Variants in CD86 observed in about 807,000 individuals in gnomAD.
CD86 encodes T-lymphocyte activation antigen CD86.
In CD86, 11 loss-of-function variants were observed where a neutral mutation model predicts 32.1. The observed-to-expected ratio is 0.34, with a 90% CI of 0.22 to 0.57. CD86 has a LOEUF of 0.57. CD86 is among the 20% of genes least tolerant of loss of function. The pLI, the probability that CD86 is intolerant of heterozygous loss-of-function variation, is 0.86. For synonymous variants in CD86, 137 were observed against 135.3 expected, an observed-to-expected ratio of 1.01 and a Z score of -0.09; for missense variants, 359 against 398.4, an observed-to-expected ratio of 0.90 and a Z score of 0.84.
intron 1 of CD86, among the ~76,000 whole-genome samples, chr3:122,084,679 G>T (rs193157700): frequency 7.2e-5 from 11 of 152,106 alleles, no homozygotes; most frequent in Non-Finnish European, 4.4e-5. Flanking sequence ...GACATCTTAC[G>T]TGGTGGCTCA....
chr3:122,094,697 A>C (rs1224081360), intron 2 of CD86, among the ~76,000 whole-genome samples: 1 of 143,700 alleles, frequency 7.0e-6, no homozygotes, highest in Non-Finnish European at 1.5e-5. Context: ...TAGAAATAGC[A>C]ATACAGTGAA....
At chr3:122,089,943 T>C (rs1442904995) in intron 1 of CD86, among the ~76,000 whole-genome samples, 20 of 152,204 alleles carry the variant, frequency 1.3e-4, no homozygotes, top group Admixed American at 1.3e-3. Flanking sequence ...ATGCTACCAT[T>C]TGTGCTTAAA....
chr3:122,108,285 G>A (rs1225562009), intron 4 of CD86, among the ~76,000 whole-genome samples: 1 of 152,212 alleles, frequency 6.6e-6, no homozygotes, highest in African/African-American at 2.4e-5. Context: ...GAGTCAAGGG[G>A]CCTTTTTTGC....
chr3:122,065,366 G>T (rs1237124238), intron 1 of CD86, among the ~76,000 whole-genome samples: 1 of 152,176 alleles, frequency 6.6e-6, no homozygotes, highest in Non-Finnish European at 1.5e-5. Flanking sequence ...GACTAAAAAT[G>T]GTCCATAGAC....
Position 122,120,474 on chromosome 3 carries a change from G to A in CD86, c.*940G>A, listed in dbSNP as rs1006892343. 1.3e-5 allele frequency: 2 copies of A among 152,214 alleles called. No homozygotes were observed. Among genetic ancestry groups the A allele is most frequent in the African/African-American group, 4.8e-5 (2 of 41,444 alleles). The allele number at this position is 152,214 out of a possible 1,614,324, so 9.4% of individuals were successfully genotyped here. A position where few individuals can be genotyped will look rare whatever the true frequency, so the allele number is the denominator to read the frequency against. ...TCTGGTCTGTCCACCCCATCAACAA[G>A]TCTTGAAACAAGCAACAGATGGATA... On this transcript the variant is annotated 3_prime_UTR_variant, in exon 7 of 7. Transcript: ENST00000330540.
rs2073326603 is a variant in CD86, at chr3:122,120,433, A to G, written c.*899A>G. The G allele has an allele frequency of 6.6e-6, 1 of 152,368 alleles. No homozygotes were observed. The highest frequency in any genetic ancestry group is 1.5e-5 in the Non-Finnish European group (1 of 68,134). 9.4% of individuals were successfully genotyped at this position (152,368 alleles called of 1,614,324 possible). A position where few individuals can be genotyped will look rare whatever the true frequency, so the allele number is the denominator to read the frequency against. ...AGAAAAAAGAGAGATCTTGATCCAC[A>G]GAAATACATGAAATGTCTGGTCTGT... On this transcript the variant is annotated 3_prime_UTR_variant, in exon 7 of 7. Transcript: ENST00000330540.
chr3:122,101,523 T>C (rs1256208244), intron 2 of CD86, among the ~76,000 whole-genome samples: 1 of 93,062 alleles, frequency 1.1e-5, no homozygotes, highest in South Asian at 3.0e-4. Flanking sequence ...AATATATATA[T>C]ATATATATAT....
At chr3:122,116,425 C>T (rs1013046554) in intron 5 of CD86, among the ~76,000 whole-genome samples, 3 of 152,030 alleles carry the variant, frequency 2.0e-5, no homozygotes, top group East Asian at 1.9e-4. Flanking sequence ...CAAATTAAAA[C>T]GATAATGAGA....
In CD86 at chr3:122,110,786, T is replaced by C. The variant is rs562589056; in HGVS notation, c.847+1378T>C. Among the ~76,000 whole-genome samples, 12 of 152,190 alleles carry C rather than the reference T, an allele frequency of 7.9e-5. No individual in the cohort carries two copies. In the South Asian group the frequency reaches 2.5e-3, roughly 32 times the overall value. On this transcript the variant is annotated intron_variant, in intron 5 of 6. Coordinates refer to ENST00000330540, the MANE Select transcript of CD86 (RefSeq NM_175862.5). ...AGGCTTTGACTTTTCAAGGTGAGAGTTTTGAGCTTCACTTTCTTTCAACCT... is the reference window on the plus strand; with the variant it reads ...AGGCTTTGACTTTTCAAGGTGAGAGCTTTGAGCTTCACTTTCTTTCAACCT...
chr3:122,105,852 T>TGCA (rs1356371816), intron 3 of CD86, among the ~76,000 whole-genome samples: 1 of 152,086 alleles, frequency 6.6e-6, no homozygotes, highest in Non-Finnish European at 1.5e-5. Flanking sequence ...ATGGGACACC[T>TGCA]GGGCCCTAGA....
rs755636106 is a variant in CD86, at chr3:122,103,742, A to G, written c.295A>G (p.Asn99Asp). Residue 99 changes from asparagine to aspartate, a missense_variant, in exon 3 of 7, where the codon AAT becomes GAT. Transcript: ENST00000330540. ...DSDSWTLRLH[N>D]LQIKDKGLYQ... ...GGACAGTTGGACCCTGAGACTTCAC[A>G]ATCTTCAGATCAAGGACAAGGGCTT... 2.5e-6 allele frequency: 4 copies of G among 1,614,092 alleles called. No individual in the cohort carries two copies. Among genetic ancestry groups the G allele is most frequent in the Admixed American group, 3.3e-5 (2 of 60,020 alleles).
chr3:122,110,431 T>G (rs1233973119), intron 5 of CD86, among the ~76,000 whole-genome samples: 4 of 152,220 alleles, frequency 2.6e-5, no homozygotes, highest in African/African-American at 9.6e-5. Flanking sequence ...GTAATTAGTT[T>G]GATTGGTGCT....
chr3:122,070,267 A>G (rs996738635), intron 1 of CD86, among the ~76,000 whole-genome samples: 2 of 152,182 alleles, frequency 1.3e-5, no homozygotes, highest in African/African-American at 4.8e-5. Flanking sequence ...GCAAGAAAAC[A>G]ATACACATTG....
intron 3 of CD86, among the ~76,000 whole-genome samples, chr3:122,105,989 A>G (rs1244469163): frequency 6.6e-6 from 1 of 152,176 alleles, no homozygotes; most frequent in Non-Finnish European, 1.5e-5. Context: ...ATAAGCAGGA[A>G]GTAAGCATGG....
chr3:122,064,515 A>G (rs983218042), intron 1 of CD86, among the ~76,000 whole-genome samples: 5 of 152,172 alleles, frequency 3.3e-5, no homozygotes, highest in African/African-American at 9.7e-5. Flanking sequence ...GTACAGCTCC[A>G]TGACGTATGA....
At chr3:122,112,252 T>C (rs529752786) in intron 5 of CD86, among the ~76,000 whole-genome samples, 4 of 152,204 alleles carry the variant, frequency 2.6e-5, no homozygotes, top group Non-Finnish European at 5.9e-5. Context: ...CTCAGCTGTT[T>C]CAGGAATGAT....
chr3:122,109,865 G>C (rs2073146685), intron 5 of CD86, among the ~76,000 whole-genome samples: 1 of 152,056 alleles, frequency 6.6e-6, no homozygotes, highest in South Asian at 2.1e-4. Context: ...ATGAATTATT[G>C]CCCATTGACT....
In CD86 at chr3:122,075,390, T is replaced by G. The variant is rs1428923209; in HGVS notation, c.15-16211T>G. ...TCAGCTTTCAGCTATTTGGAAGGGTTTATATAAAAGGATAAAATAATATGT... is the reference window on the plus strand; with the variant it reads ...TCAGCTTTCAGCTATTTGGAAGGGTGTATATAAAAGGATAAAATAATATGT... On this transcript the variant is annotated intron_variant, in intron 1 of 6. Transcript: ENST00000330540. 2.0e-5 allele frequency among the ~76,000 whole-genome samples: 3 copies of G among 152,200 alleles called. No homozygotes were observed. The South Asian group carries it at 6.2e-4, about 31-fold the overall frequency.
At chr3:122,118,233 T>C (rs935348436) in intron 6 of CD86, 140 bp downstream of exon 6, 1 of 694,616 alleles carries the variant, frequency 1.4e-6, no homozygotes, top group Admixed American at 2.3e-5. Flanking sequence ...ATAAAACTAG[T>C]TAAGAACTGG....
Sources: gnomAD v4.1 joint callset for allele counts (sites outside exome capture counted in the v4.1 genomes callset) on GRCh38, gnomAD v4.1.1 for gene constraint, MANE v1.5 for transcripts, NCBI Gene and HGNC (gene_info 2026-07-23, HGNC 2026-07-21) for gene names.